PAQR5: variants seen among roughly 807,000 people sequenced by gnomAD.
PAQR5 encodes membrane progestin receptor gamma.
In PAQR5, 20 loss-of-function variants were observed where a neutral mutation model predicts 34.5. The ratio of observed to expected loss-of-function variants is 0.58; its 90% CI spans 0.41 to 0.84. The LOEUF (loss-of-function observed/expected upper bound fraction) is 0.84. Among genes scored for constraint, PAQR5 ranks in the 40% least tolerant of loss-of-function variants. The probability of loss-of-function intolerance (pLI) is 0.00; values close to 1 mark genes in which losing one functional copy is unlikely to be tolerated. For synonymous variants in PAQR5, 131 were observed against 155.6 expected (o/e 0.84, Z 1.18); for missense variants, 378 against 412.7 (o/e 0.92, Z 0.73).
chr15:69,365,765 T>C (rs1337082154), intron 3 of PAQR5, among the ~76,000 whole-genome samples: 2 of 152,166 alleles, frequency 1.3e-5, no homozygotes, highest in African/African-American at 4.8e-5. Flanking sequence ...AATTATACAT[T>C]CCCGAGTAGT....
intron 3 of PAQR5, among the ~76,000 whole-genome samples, chr15:69,361,097 C>T (rs1046849557): frequency 2.0e-5 from 3 of 152,158 alleles, no homozygotes; most frequent in East Asian, 1.9e-4. Flanking sequence ...GCAAGCTACA[C>T]GTGTGGCTGT....
At chr15:69,394,316 TCAGA>T (rs2056354612) in intron 6 of PAQR5, among the ~76,000 whole-genome samples, 1 of 152,234 alleles carries the variant, frequency 6.6e-6, no homozygotes, top group South Asian at 2.1e-4. Flanking sequence ...GACATGGTTC[TCAGA>T]CAGAGGCTTG....
chr15:69,312,099 G>A (rs28478633), intron 1 of PAQR5, among the ~76,000 whole-genome samples: 9,151 of 152,156 alleles, frequency 0.06, 929 homozygotes, highest in African/African-American at 0.21. Context: ...AGCAAACTGC[G>A]GGGTGCAGGG....
intron 1 of PAQR5, among the ~76,000 whole-genome samples, chr15:69,334,695 C>T (rs139942576): frequency 5.7e-4 from 87 of 152,200 alleles, no homozygotes; most frequent in African/African-American, 2.0e-3. Context: ...CTGGAGAATG[C>T]GTTTTACATA....
chr15:69,319,553 G>GGCCC (rs1378437879), intron 1 of PAQR5, among the ~76,000 whole-genome samples: 1 of 151,974 alleles, frequency 6.6e-6, no homozygotes, highest in Non-Finnish European at 1.5e-5. Context: ...GTTCGAGATA[G>GGCCC]GCCCACCTTG....
At chr15:69,311,391 T>A (rs1429104330) in intron 1 of PAQR5, among the ~76,000 whole-genome samples, 5 of 151,892 alleles carry the variant, frequency 3.3e-5, no homozygotes, top group Non-Finnish European at 7.4e-5. Flanking sequence ...GGAACCTGAG[T>A]TAGATGAGGG....
intron 4 of PAQR5, among the ~76,000 whole-genome samples, chr15:69,383,974 T>C (rs1334869944): frequency 4.9e-5 from 4 of 80,872 alleles, no homozygotes; most frequent in Non-Finnish European, 2.5e-5. Context: ...GCCCTCTGTG[T>C]TCATCGTGGA....
chr15:69,329,468 T>C (rs2054330785), intron 1 of PAQR5, among the ~76,000 whole-genome samples: 1 of 129,884 alleles, frequency 7.7e-6, no homozygotes, highest in African/African-American at 3.1e-5. Context: ...TCTTTCTTTT[T>C]TTTTTTTTTT....
chr15:69,355,521 A>G (rs561034750), intron 2 of PAQR5, among the ~76,000 whole-genome samples: 17 of 151,318 alleles, frequency 1.1e-4, no homozygotes, highest in Admixed American at 4.0e-4. Flanking sequence ...CCCAGGTTCA[A>G]GAGAGTCCCC....
At chr15:69,350,487 A>T (rs28840378) in intron 2 of PAQR5, among the ~76,000 whole-genome samples, 6,502 of 152,128 alleles carry the variant, frequency 0.043, 462 homozygotes, top group African/African-American at 0.15. Context: ...TGCTAAAAAT[A>T]CAAAATTTAG....
At chr15:69,383,604 G>C (rs532392476) in intron 4 of PAQR5, among the ~76,000 whole-genome samples, 1 of 129,666 alleles carries the variant, frequency 7.7e-6, no homozygotes, top group African/African-American at 3.1e-5. Context: ...GGGTGAGTGG[G>C]CCTTTGTGTT....
chr15:69,354,697 A>T (rs751363757), intron 2 of PAQR5, among the ~76,000 whole-genome samples: 1 of 152,174 alleles, frequency 6.6e-6, no homozygotes, highest in Non-Finnish European at 1.5e-5. Context: ...GGATTAGGGA[A>T]TACCTAGAGA....
chr15:69,323,844 A>G (rs2054184654), intron 1 of PAQR5, among the ~76,000 whole-genome samples: 1 of 152,176 alleles, frequency 6.6e-6, no homozygotes. Flanking sequence ...CATTTTATAT[A>G]GACAGTATTA....
chr15:69,394,312 G>A (rs2056354276), intron 6 of PAQR5, among the ~76,000 whole-genome samples: 1 of 152,042 alleles, frequency 6.6e-6, no homozygotes, highest in Admixed American at 6.6e-5. Flanking sequence ...AGCAGACATG[G>A]TTCTCAGACA....
chr15:69,381,636 C>G (rs553200639), intron 4 of PAQR5, among the ~76,000 whole-genome samples: 1 of 152,128 alleles, frequency 6.6e-6, no homozygotes, highest in Non-Finnish European at 1.5e-5. Flanking sequence ...CACTTCTACA[C>G]GGTGCCAGGC....
intron 3 of PAQR5, among the ~76,000 whole-genome samples, chr15:69,374,123 A>C (rs75483613): frequency 6.6e-6 from 1 of 152,174 alleles, no homozygotes; most frequent in Non-Finnish European, 1.5e-5. Flanking sequence ...TGTATTTTTA[A>C]AAAACATCAC....
intron 2 of PAQR5, among the ~76,000 whole-genome samples, chr15:69,353,151 G>A (rs563092138): frequency 2.5e-4 from 38 of 152,314 alleles, no homozygotes; most frequent in African/African-American, 9.1e-4. Flanking sequence ...CCACTGCTGA[G>A]TGCCCATTCT....
intron 4 of PAQR5, chr15:69,382,953 C>T (rs536348547): frequency 6.6e-6 from 1 of 151,346 alleles, no homozygotes; most frequent in African/African-American, 2.4e-5. Flanking sequence ...AACTTTCCAG[C>T]CCTTGGAGCT....
At chr15:69,393,628 C>T (rs1311295750) in intron 6 of PAQR5, among the ~76,000 whole-genome samples, 1 of 152,164 alleles carries the variant, frequency 6.6e-6, no homozygotes, top group Non-Finnish European at 1.5e-5. Flanking sequence ...CCTGCTCCAT[C>T]CGGCTGCAGT....
Sources: allele counts gnomAD v4.1 joint callset (sites outside exome capture counted in the v4.1 genomes callset), GRCh38; gene constraint gnomAD v4.1.1; transcripts MANE v1.5; gene names NCBI Gene and HGNC (gene_info 2026-07-23, HGNC 2026-07-21).